PTPRD: variants seen among roughly 807,000 people sequenced by gnomAD.
PTPRD encodes the protein protein tyrosine phosphatase receptor type D.
In PTPRD, 34 loss-of-function variants were observed where a neutral mutation model predicts 214.5. That is an observed-to-expected ratio of 0.16 (90% CI 0.12 to 0.21). The LOEUF is 0.21. Among genes scored for constraint, PTPRD ranks in the 10% least tolerant of loss-of-function variants. The pLI, the probability that PTPRD is intolerant of heterozygous loss-of-function variation, is 1.00. For missense variants in PTPRD, 2,545 were observed against 2,398.7 expected (o/e 1.06, Z -1.27); for synonymous variants, 1,128 against 845.7 (o/e 1.33, Z -5.79).
intron 39 of PTPRD, among the ~76,000 whole-genome samples, chr9:8,354,409 CA>C (rs1346313262): frequency 6.6e-6 from 1 of 152,054 alleles, no homozygotes; most frequent in Non-Finnish European, 1.5e-5. Context: ...GAAATAACAC[CA>C]ATACGAAAAA....
intron 4 of PTPRD, among the ~76,000 whole-genome samples, chr9:9,971,475 T>G (rs1183936423): frequency 6.6e-6 from 1 of 152,218 alleles, no homozygotes; most frequent in Non-Finnish European, 1.5e-5. Flanking sequence ...CTTTTGTATT[T>G]TGAATTTTCC....
Position 8,351,308 on chromosome 9 carries a change from G to C in PTPRD, c.4662-9330C>G, listed in dbSNP as rs540776834. Among the ~76,000 whole-genome samples, 3 of 151,998 alleles carry C rather than the reference G, an allele frequency of 2.0e-5. No homozygotes were observed. In the East Asian group the frequency reaches 5.8e-4, roughly 29 times the overall value. On this transcript the variant is annotated intron_variant, in intron 39 of 45. Coordinates refer to ENST00000381196, the MANE Select transcript of PTPRD (RefSeq NM_002839.4). ...GTACACATGTTAATGCACAAAACAT[G>C]GTCTGAAAAGATACACAAATCAGAA...
intron 9 of PTPRD, among the ~76,000 whole-genome samples, chr9:9,382,344 C>T (rs2062580104): frequency 6.6e-6 from 1 of 151,922 alleles, no homozygotes; most frequent in South Asian, 2.1e-4. Flanking sequence ...GCAGAGGCAA[C>T]AAAGCTTATG....
At chr9:8,499,252 G>C (rs766659601) in intron 25 of PTPRD, among the ~76,000 whole-genome samples, 1 of 152,148 alleles carries the variant, frequency 6.6e-6, no homozygotes, top group Non-Finnish European at 1.5e-5. Flanking sequence ...TTAGAAATTA[G>C]AACAACTAAG....
At position 8,636,792 on chromosome 9, in the gene PTPRD, T is replaced by C. The variant is rs138451374; in HGVS notation, c.117A>G (p.Gly39=). 5 of 1,614,056 alleles carry C rather than the reference T, an allele frequency of 3.1e-6. No homozygotes were observed. The Admixed American group carries it at 8.3e-5, about 27-fold the overall frequency. The change falls in exon 13 of 46, where the codon GGA becomes GGG. Residue 39 remains glycine (G), a synonymous_variant. Coordinates refer to ENST00000381196, the MANE Select transcript of PTPRD (RefSeq NM_002839.4). ...TPVDQTGVSG[G]VASFICQATG... Reference sequence around the variant, plus strand: ...TAGCTTGGCAGATGAAAGAGGCAACTCCGCCAGAGACCCCTGTCTGATCAA... The same window carrying C: ...TAGCTTGGCAGATGAAAGAGGCAACCCCGCCAGAGACCCCTGTCTGATCAA...
At chr9:9,695,512 G>A (rs2097357286) in intron 7 of PTPRD, among the ~76,000 whole-genome samples, 1 of 152,140 alleles carries the variant, frequency 6.6e-6, no homozygotes, top group Non-Finnish European at 1.5e-5. Context: ...ACTAGGAATT[G>A]AATAGGAATT....
intron 8 of PTPRD, among the ~76,000 whole-genome samples, chr9:9,486,650 AGGCTATGTT>A (rs2095651248): frequency 6.6e-6 from 1 of 152,098 alleles, no homozygotes. Flanking sequence ...GTCTACAAAC[AGGCTATGTT>A]GGCACTGGAA....
chr9:10,002,527 TA>T (rs2096351322), intron 4 of PTPRD, among the ~76,000 whole-genome samples: 3 of 150,774 alleles, frequency 2.0e-5, no homozygotes, highest in Admixed American at 6.6e-5. Flanking sequence ...AAAAGAAAAC[TA>T]AAGTGTCTAC....
At chr9:9,784,221 A>G (rs2098896441) in intron 5 of PTPRD, among the ~76,000 whole-genome samples, 1 of 152,100 alleles carries the variant, frequency 6.6e-6, no homozygotes, top group South Asian at 2.1e-4. Context: ...AGAGCTGTAC[A>G]AAGGATAAAG....
At chr9:10,429,459 G>C (rs1348602224) in intron 2 of PTPRD, among the ~76,000 whole-genome samples, 1 of 151,840 alleles carries the variant, frequency 6.6e-6, no homozygotes, top group Non-Finnish European at 1.5e-5. Flanking sequence ...AATGAATAAA[G>C]TGCGGTGTAT....
chr9:9,456,952 C>T (rs2093093955), intron 8 of PTPRD, among the ~76,000 whole-genome samples: 1 of 151,618 alleles, frequency 6.6e-6, no homozygotes, highest in Non-Finnish European at 1.5e-5. Context: ...AATAAGACAC[C>T]ACAATATCAC....
intron 9 of PTPRD, among the ~76,000 whole-genome samples, chr9:9,380,853 T>C (rs192132145): frequency 1.3e-5 from 2 of 152,310 alleles, no homozygotes; most frequent in Admixed American, 6.5e-5. Flanking sequence ...GTATTAATAG[T>C]TTAACACTCT....
intron 10 of PTPRD, among the ~76,000 whole-genome samples, chr9:9,037,649 ATTCTC>A (rs1569485229): frequency 6.6e-6 from 1 of 152,168 alleles, no homozygotes. Flanking sequence ...CCTTGGAATG[ATTCTC>A]TTTGTCTTTC....
At chr9:10,240,897 G>C (rs1037187065) in intron 3 of PTPRD, among the ~76,000 whole-genome samples, 1 of 151,488 alleles carries the variant, frequency 6.6e-6, no homozygotes, top group African/African-American at 2.4e-5. Context: ...TAAACCTTTT[G>C]CTCATTAAAA....
chr9:10,152,642 A>T (rs1313469463), intron 3 of PTPRD, among the ~76,000 whole-genome samples: 2 of 152,154 alleles, frequency 1.3e-5, no homozygotes, highest in Non-Finnish European at 2.9e-5. Context: ...CCTGACCAAC[A>T]TGGAGAAACC....
intron 2 of PTPRD, among the ~76,000 whole-genome samples, chr9:10,495,280 C>T (rs7019242): frequency 0.69 from 104,079 of 151,426 alleles, 37,527 homozygotes; most frequent in Middle Eastern, 0.84. Flanking sequence ...ATCTCTTTTC[C>T]ACAAAGTCAA....
chr9:9,277,112 T>C (rs1409890459), intron 9 of PTPRD, among the ~76,000 whole-genome samples: 1 of 151,452 alleles, frequency 6.6e-6, no homozygotes, highest in Non-Finnish European at 1.5e-5. Context: ...TCTCCTCTCC[T>C]AAACTACTAT....
At chr9:10,040,898 T>A (rs1429311124) in intron 3 of PTPRD, among the ~76,000 whole-genome samples, 1 of 152,070 alleles carries the variant, frequency 6.6e-6, no homozygotes, top group African/African-American at 2.4e-5. Context: ...AGAGCTATTA[T>A]TGGGCAACTC....
chr9:8,977,431 C>T (rs905294788), intron 11 of PTPRD, among the ~76,000 whole-genome samples: 2 of 152,086 alleles, frequency 1.3e-5, no homozygotes, highest in Non-Finnish European at 2.9e-5. Flanking sequence ...TCTCTTCATA[C>T]ATTAGTTAAC....
Sources: gnomAD v4.1 joint callset for allele counts (sites outside exome capture counted in the v4.1 genomes callset) on GRCh38, gnomAD v4.1.1 for gene constraint, MANE v1.5 for transcripts, NCBI Gene and HGNC (gene_info 2026-07-23, HGNC 2026-07-21) for gene names.